The following CDC42SE2 variants were observed in gnomAD, a reference collection of about 807,000 sequenced individuals.
CDC42SE2 encodes the protein CDC42 small effector 2.
CDC42SE2 carries 3 observed loss-of-function variants against 11.5 expected under a neutral mutation model. That is an observed-to-expected ratio of 0.26 (90% CI 0.12 to 0.67). CDC42SE2 has a LOEUF of 0.67. Ranked by LOEUF, CDC42SE2 falls within the 30% of genes least tolerant of loss-of-function variation. The pLI is 0.80. For synonymous variants in CDC42SE2, 33 were observed against 34.8 expected (o/e 0.95, Z 0.18); for missense variants, 82 against 106.8 (o/e 0.77, Z 1.02).
At chr5:131,222,558 T>C in the CDC42SE2 span, among the ~76,000 whole-genome samples, 3 of 152,252 alleles carry the variant, frequency 2.0e-5, no homozygotes. Flanking sequence ...CTAAATGAAA[T>C]TTTAAACAAA....
intron 1 of CDC42SE2, among the ~76,000 whole-genome samples, chr5:131,301,213 T>A (rs1757671687): frequency 6.6e-6 from 1 of 152,062 alleles, no homozygotes; most frequent in Admixed American, 6.6e-5. Context: ...AGAGGAGAGA[T>A]GGGGTTAAAG....
At chr5:131,390,961 T>G in intron 4 of CDC42SE2, 32 bp from the exon 5 acceptor site, 25 of 1,451,062 alleles carry the variant, frequency 1.7e-5, no homozygotes, top group African/African-American at 2.8e-5. Flanking sequence ...CTGACTTCCA[T>G]TTTGTTTTGT....
At chr5:131,381,314 T>G (rs1750316017) in intron 3 of CDC42SE2, among the ~76,000 whole-genome samples, 1 of 92,602 alleles carries the variant, frequency 1.1e-5, no homozygotes, top group Admixed American at 9.4e-5. Flanking sequence ...CAAGTGCTGT[T>G]TTTTTTTGTT....
intron 1 of CDC42SE2, among the ~76,000 whole-genome samples, chr5:131,275,955 A>G (rs1022576919): frequency 3.3e-5 from 5 of 152,118 alleles, no homozygotes; most frequent in African/African-American, 4.8e-5. Flanking sequence ...TCTATTGAGT[A>G]GTATTTATTA....
chr5:131,275,530 GT>G (rs1757084010), intron 1 of CDC42SE2, among the ~76,000 whole-genome samples: 1 of 152,082 alleles, frequency 6.6e-6, no homozygotes, highest in South Asian at 2.1e-4. Flanking sequence ...CTGACCTCAA[GT>G]GATCCACCCA....
Position 131,391,001 on chromosome 5 carries a change from C to T in CDC42SE2, c.165C>T (p.Ser55=), listed in dbSNP as rs1750635013. 5 of 1,610,030 alleles carry T rather than the reference C, an allele frequency of 3.1e-6. No individual in the cohort carries two copies. The highest frequency in any genetic ancestry group is 4.2e-6 in the Non-Finnish European group (5 of 1,177,226). Residue 55 remains serine (S), a synonymous_variant, in exon 5 of 5, where the codon TCC becomes TCT. Coordinates refer to ENST00000505065, the MANE Select transcript of CDC42SE2 (RefSeq NM_001375635.1). ...DLFSGMNSVS[S]IQNQMQSKGG... ...TTTTTGTCTTGTTTTAGGTTAGCTC[C>T]ATTCAGAACCAAATGCAGTCCAAGG...
the CDC42SE2 span, among the ~76,000 whole-genome samples, chr5:131,224,864 C>T: frequency 6.6e-6 from 1 of 151,488 alleles, no homozygotes; most frequent in Non-Finnish European, 1.5e-5. Flanking sequence ...TAGGACAAGG[C>T]AGCAGGACAA....
intron 3 of CDC42SE2, among the ~76,000 whole-genome samples, chr5:131,383,689 T>G (rs1016731153): frequency 2.0e-5 from 3 of 152,224 alleles, no homozygotes; most frequent in Non-Finnish European, 2.9e-5. Flanking sequence ...ACAGGCTAAA[T>G]CTAGCCTGTC....
At chr5:131,358,663 G>T (rs1169136588) in intron 2 of CDC42SE2, among the ~76,000 whole-genome samples, 1 of 152,092 alleles carries the variant, frequency 6.6e-6, no homozygotes, top group Non-Finnish European at 1.5e-5. Flanking sequence ...CTAATAGCTC[G>T]ATTCACAGAA....
chr5:131,337,737 C>G (rs576418945), intron 2 of CDC42SE2, among the ~76,000 whole-genome samples: 1 of 152,190 alleles, frequency 6.6e-6, no homozygotes, highest in Non-Finnish European at 1.5e-5. Flanking sequence ...TAGCAATGAG[C>G]GAGGCTCCGT....
At chr5:131,216,279 T>C in the CDC42SE2 span, among the ~76,000 whole-genome samples, 1 of 152,006 alleles carries the variant, frequency 6.6e-6, no homozygotes, top group Non-Finnish European at 1.5e-5. Flanking sequence ...AGTGGACCAC[T>C]TGAGCTCAGG....
chr5:131,366,920 C>T (rs1195934378), intron 3 of CDC42SE2, among the ~76,000 whole-genome samples: 2 of 151,588 alleles, frequency 1.3e-5, no homozygotes, highest in African/African-American at 2.4e-5. Flanking sequence ...CCCAGCTACT[C>T]GGGAGGCTGA....
intron 1 of CDC42SE2, among the ~76,000 whole-genome samples, chr5:131,290,209 C>T (rs1464339319): frequency 6.6e-6 from 1 of 152,040 alleles, no homozygotes; most frequent in Non-Finnish European, 1.5e-5. Context: ...GACAAGGAAT[C>T]GTGCTTGGAT....
At chr5:131,308,872 A>G (rs1757835729) in intron 1 of CDC42SE2, among the ~76,000 whole-genome samples, 1 of 152,160 alleles carries the variant, frequency 6.6e-6, no homozygotes, top group Admixed American at 6.6e-5. Context: ...TTCTAGCTAT[A>G]CAATCATGTC....
chr5:131,352,531 A>G (rs142645750), intron 2 of CDC42SE2, among the ~76,000 whole-genome samples: 99 of 152,304 alleles, frequency 6.5e-4, no homozygotes, highest in African/African-American at 2.3e-3. Flanking sequence ...ATTAACCCTC[A>G]TATTTTGATA....
chr5:131,276,175 G>A (rs763339520), intron 1 of CDC42SE2, among the ~76,000 whole-genome samples: 5 of 149,754 alleles, frequency 3.3e-5, no homozygotes, highest in Non-Finnish European at 1.5e-5. Flanking sequence ...GGCCAGGTGC[G>A]ATAGGCTAAG....
rs1758515896 is a variant in CDC42SE2, at chr5:131,334,861, T to G, written c.-286+18717T>G. ...TCTATTTGATTCTTCTCTCTTTTCTTCTTTATTAGTCTTGCTAGCGGTCTA... is the reference window on the plus strand; with the variant it reads ...TCTATTTGATTCTTCTCTCTTTTCTGCTTTATTAGTCTTGCTAGCGGTCTA... On this transcript the variant is annotated intron_variant, in intron 2 of 4. Transcript: ENST00000505065. Among the ~76,000 whole-genome samples, 6 of 152,306 alleles carry G rather than the reference T, an allele frequency of 3.9e-5. No individual in the cohort carries two copies. The South Asian group carries it at 1.2e-3, about 32-fold the overall frequency.
intron 2 of CDC42SE2, among the ~76,000 whole-genome samples, chr5:131,344,552 CTG>C (rs1183420026): frequency 1.3e-5 from 2 of 152,202 alleles, no homozygotes; most frequent in African/African-American, 2.4e-5. Context: ...CTGCCTGCCT[CTG>C]TAGACTCCAC....
chr5:131,221,573 C>A, the CDC42SE2 span, among the ~76,000 whole-genome samples: 1 of 151,778 alleles, frequency 6.6e-6, no homozygotes, highest in African/African-American at 2.4e-5. Context: ...ATGTAATATT[C>A]TCTTGTGTGA....
Sources: gnomAD v4.1 joint callset for allele counts (sites outside exome capture counted in the v4.1 genomes callset) on GRCh38, gnomAD v4.1.1 for gene constraint, MANE v1.5 for transcripts, NCBI Gene and HGNC (gene_info 2026-07-23, HGNC 2026-07-21) for gene names.